WWOX: variants seen among roughly 807,000 people sequenced by gnomAD.
WWOX encodes the protein WW domain-containing oxidoreductase.
In WWOX, 69 loss-of-function variants were observed where a neutral mutation model predicts 46.2. The observed-to-expected ratio is 1.49, with a 90% CI of 1.23 to 1.82. The LOEUF is 1.82. Ranked by LOEUF, WWOX falls within the 40% of genes most tolerant of loss-of-function variation. The pLI is 0.00. For missense variants in WWOX, 919 were observed against 542.6 expected, an observed-to-expected ratio of 1.69 and a Z score of -6.89; for synonymous variants, 359 against 202.6, an observed-to-expected ratio of 1.77 and a Z score of -6.56.
At chr16:79,032,403 A>G (rs1265505474) in intron 8 of WWOX, among the ~76,000 whole-genome samples, 1 of 147,122 alleles carries the variant, frequency 6.8e-6, no homozygotes, top group Non-Finnish European at 1.5e-5. Context: ...ATTAATATGT[A>G]GGGAATATGT....
chr16:79,030,116 G>C (rs892708740), intron 8 of WWOX, among the ~76,000 whole-genome samples: 1 of 152,102 alleles, frequency 6.6e-6, no homozygotes, highest in Non-Finnish European at 1.5e-5. Flanking sequence ...TACAAATGGA[G>C]CTTATTGTTC....
chr16:78,276,601 A>G (rs2079583420), intron 5 of WWOX, among the ~76,000 whole-genome samples: 1 of 152,130 alleles, frequency 6.6e-6, no homozygotes, highest in African/African-American at 2.4e-5. Context: ...AAAGAAATAA[A>G]CTCTGGCTCT....
chr16:78,355,564 C>T (rs2081267815), intron 5 of WWOX: 2 of 462,012 alleles, frequency 4.3e-6, no homozygotes, highest in Middle Eastern at 4.0e-4. Flanking sequence ...AAACTACCAA[C>T]ACTGTGGAGG....
In WWOX at chr16:79,140,249, A is replaced by G. The variant is rs565717134; in HGVS notation, c.1057-71359A>G. 2.0e-4 allele frequency among the ~76,000 whole-genome samples: 31 copies of G among 152,310 alleles called. No individual in the cohort carries two copies. The South Asian group carries it at 6.0e-3, about 30-fold the overall frequency. ...AATAAACTTGCAGACCCTGCCCTGA[A>G]ATGCACGCTCTGAGCAGTCTATTGG... On this transcript the variant is annotated intron_variant, in intron 8 of 8. Transcript: ENST00000566780.
intron 8 of WWOX, chr16:78,899,204 T>C (rs2044768994): frequency 3.3e-5 from 5 of 152,198 alleles, no homozygotes; most frequent in Admixed American, 3.3e-4. Context: ...GTATGTTTTC[T>C]GTACCTATAC....
chr16:78,809,929 A>G (rs188211992), intron 8 of WWOX, among the ~76,000 whole-genome samples: 2 of 152,272 alleles, frequency 1.3e-5, no homozygotes, highest in East Asian at 3.9e-4. Flanking sequence ...CACCTTCTCA[A>G]AGCAAAGTCT....
At chr16:78,477,690 G>C (rs2084385237) in intron 8 of WWOX, among the ~76,000 whole-genome samples, 1 of 151,978 alleles carries the variant, frequency 6.6e-6, no homozygotes, top group Non-Finnish European at 1.5e-5. Flanking sequence ...AAACTGAAAT[G>C]GCAATTAGGA....
intron 8 of WWOX, among the ~76,000 whole-genome samples, chr16:78,726,157 C>G (rs934673824): frequency 8.6e-5 from 12 of 139,124 alleles, no homozygotes; most frequent in African/African-American, 2.9e-4. Context: ...CTCTCTTTCT[C>G]TTTCTGTGTC....
At position 78,875,619 on chromosome 16, in the gene WWOX, T is replaced by A. The variant is rs16948681; in HGVS notation, c.1057-335989T>A. Among the ~76,000 whole-genome samples, 609 of 152,254 alleles carry A rather than the reference T, an allele frequency of 4.0e-3. 7 individuals are homozygous for A. The highest frequency in any genetic ancestry group is 0.014 in the African/African-American group (567 of 41,540). ...TATCTCAAGGTGAGTATCGTCAGAA[T>A]CCCGGTACATTTCACCAGCCACCTT... On this transcript the variant is annotated intron_variant, in intron 8 of 8. Transcript: ENST00000566780.
In WWOX at chr16:78,387,260, G is replaced by A. The variant is rs190184149; in HGVS notation, c.605+312G>A. ...CATCCTGATTATAAGATTTTTTGTA[G>A]TGCATTTCAGAATGGAGTAAGAGTA... On this transcript the variant is annotated intron_variant, in intron 6 of 8. Coordinates refer to ENST00000566780, the MANE Select transcript of WWOX (RefSeq NM_016373.4). Among the ~76,000 whole-genome samples the A allele has an allele frequency of 9.8e-5, 15 of 152,290 alleles. No homozygotes were observed. In the East Asian group the frequency reaches 2.7e-3, roughly 27 times the overall value.
At chr16:78,261,253 G>A (rs2079224829) in intron 5 of WWOX, among the ~76,000 whole-genome samples, 1 of 145,484 alleles carries the variant, frequency 6.9e-6, no homozygotes, top group African/African-American at 2.6e-5. Flanking sequence ...AGATTTTAAT[G>A]TGTGGTAAGG....
chr16:78,670,967 G>T (rs1000353098), intron 8 of WWOX, among the ~76,000 whole-genome samples: 1 of 151,848 alleles, frequency 6.6e-6, no homozygotes, highest in African/African-American at 2.4e-5. Flanking sequence ...CAGAAGTAAA[G>T]ATTGGAGTGG....
At chr16:78,364,277 C>T (rs2081481650) in intron 5 of WWOX, among the ~76,000 whole-genome samples, 1 of 152,222 alleles carries the variant, frequency 6.6e-6, no homozygotes, top group Non-Finnish European at 1.5e-5. Context: ...ACTCTACTCT[C>T]CTGATAGCCA....
At chr16:78,668,263 A>G (rs2047378730) in intron 8 of WWOX, among the ~76,000 whole-genome samples, 1 of 152,202 alleles carries the variant, frequency 6.6e-6, no homozygotes, top group Non-Finnish European at 1.5e-5. Context: ...CCTGTGTGAC[A>G]GAGCAAGACT....
chr16:78,665,290 G>A (rs1036251838), intron 8 of WWOX, among the ~76,000 whole-genome samples: 2 of 152,170 alleles, frequency 1.3e-5, no homozygotes, highest in African/African-American at 2.4e-5. Context: ...AGAGAAGAGA[G>A]TTTTCAGTTA....
At chr16:78,772,209 G>A (rs2050080957) in intron 8 of WWOX, among the ~76,000 whole-genome samples, 1 of 152,070 alleles carries the variant, frequency 6.6e-6, no homozygotes, top group Non-Finnish European at 1.5e-5. Flanking sequence ...CTACCCTCAG[G>A]CAGGCCCCAG....
chr16:78,745,850 T>A (rs911804966), intron 8 of WWOX, among the ~76,000 whole-genome samples: 3 of 151,842 alleles, frequency 2.0e-5, no homozygotes, highest in African/African-American at 7.3e-5. Context: ...TTGGTGTAGA[T>A]CATCTAGTTT....
Position 79,049,373 on chromosome 16 carries a change from A to G in WWOX, c.1057-162235A>G, listed in dbSNP as rs543431464. Among the ~76,000 whole-genome samples, 24 of 152,330 alleles carry G rather than the reference A, an allele frequency of 1.6e-4. 1 individual carries two copies. The highest frequency in any genetic ancestry group is 4.8e-4 in the African/African-American group (20 of 41,586). On this transcript the variant is annotated intron_variant, in intron 8 of 8. Coordinates refer to ENST00000566780, the MANE Select transcript of WWOX (RefSeq NM_016373.4). ...ACAGGGGATTTATTCGGCACAATTG[A>G]GTAATGTGGATGAGGCTGCTCAGGG...
At chr16:78,534,637 C>G (rs1210790226) in intron 8 of WWOX, 2 of 152,192 alleles carry the variant, frequency 1.3e-5, no homozygotes, top group Non-Finnish European at 2.9e-5. Context: ...CCACCTTATT[C>G]TAAATAATGA....
Sources: allele counts gnomAD v4.1 joint callset (sites outside exome capture counted in the v4.1 genomes callset), GRCh38; gene constraint gnomAD v4.1.1; transcripts MANE v1.5; gene names NCBI Gene and HGNC (gene_info 2026-07-23, HGNC 2026-07-21).